Variants in BACE1 observed in about 807,000 individuals in gnomAD.
BACE1 encodes the protein APP beta-secretase.
BACE1 carries 21 observed loss-of-function variants against 54.0 expected under a neutral mutation model. The observed-to-expected ratio is 0.39, with a 90% confidence interval of 0.28 to 0.56. The LOEUF is 0.56. BACE1 is among the 20% of genes least tolerant of loss of function. The pLI is 0.63. For missense variants in BACE1, 511 were observed against 661.2 expected (o/e 0.77, Z 2.49); for synonymous variants, 232 against 260.9 (o/e 0.89, Z 1.07).
rs2035123679 is a variant in BACE1 at position 117,316,253 on chromosome 11, T to C, written c.-458A>G. ...GGGCGGGCTGGGGAGGCGGAAAGACTTGTGGCGGCGGCTGTCAAAGCCAAA... is the reference window on the plus strand; with the variant it reads ...GGGCGGGCTGGGGAGGCGGAAAGACCTGTGGCGGCGGCTGTCAAAGCCAAA... On this transcript the variant is annotated 5_prime_UTR_variant, in exon 1 of 9. Coordinates refer to ENST00000313005, the MANE Select transcript of BACE1 (RefSeq NM_012104.6). The C allele has an allele frequency of 2.2e-6, 1 of 444,752 alleles. No individual in the cohort carries two copies. Among genetic ancestry groups the C allele is most frequent in the Non-Finnish European group, 4.0e-6 (1 of 248,204 alleles). 27.6% of individuals were successfully genotyped at this position (444,752 alleles called of 1,614,324 possible).
intron 1 of BACE1, among the ~76,000 whole-genome samples, chr11:117,298,308 A>G (rs947967637): frequency 1.5e-4 from 22 of 150,320 alleles, no homozygotes; most frequent in Non-Finnish European, 4.4e-5. Context: ...TCAAAAAAAA[A>G]AAGAAAAGAA....
chr11:117,305,862 C>A (rs963018187), intron 1 of BACE1, among the ~76,000 whole-genome samples: 49 of 151,980 alleles, frequency 3.2e-4, no homozygotes, highest in African/African-American at 1.0e-3. Context: ...GGTGAAACCC[C>A]GTCTCCACTA....
intron 3 of BACE1, 84 bp downstream of exon 3, chr11:117,295,047 C>T: frequency 7.4e-7 from 1 of 1,352,684 alleles, no homozygotes; most frequent in Non-Finnish European, 1.1e-6. Context: ...CCTCCTTCTG[C>T]TAATTCCCCT....
At chr11:117,294,156 G>GT (rs2034534302) in intron 3 of BACE1, 148 bp from the exon 4 acceptor site, 2 of 788,946 alleles carry the variant, frequency 2.5e-6, no homozygotes, top group Non-Finnish European at 3.9e-6. Flanking sequence ...GGCAGAGGAA[G>GT]GGTTAGCAGG....
At chr11:117,307,647 C>G (rs764429968) in intron 1 of BACE1, among the ~76,000 whole-genome samples, 1 of 152,164 alleles carries the variant, frequency 6.6e-6, no homozygotes, top group South Asian at 2.1e-4. Context: ...TTCTGCCCAG[C>G]CCTTTATTGG....
chr11:117,290,333 G>A (rs1311410549), intron 8 of BACE1, among the ~76,000 whole-genome samples, 155 bp downstream of exon 8: 1 of 152,136 alleles, frequency 6.6e-6, no homozygotes, highest in Non-Finnish European at 1.5e-5. Flanking sequence ...AAAAGGACGA[G>A]CATTGACACT....
chr11:117,315,702 T>C lies in BACE1; in HGVS notation c.94A>G (p.Ser32Gly). 1 of 1,504,256 alleles carries C rather than the reference T, an allele frequency of 6.6e-7. No homozygotes were observed. Among genetic ancestry groups the C allele is most frequent in the Non-Finnish European group, 8.9e-7 (1 of 1,129,124 alleles). 93.2% of individuals were successfully genotyped at this position (1,504,256 alleles called of 1,614,324 possible). ...CCCAGGGGGGCGCCCCCCAGGCCGC[T>C]GCGCAGGGGCAGCCGGATGCCGTGC... The part of the protein sequence containing the change: ...TQHGIRLPLR[S>G]GLGGAPLGLR... The change falls in exon 1 of 9, where the codon AGC (serine) becomes GGC (glycine). Residue 32 changes from serine (S) to glycine (G), a missense_variant. This residue lies in a region of BACE1 where 104 missense variants were observed against 95.5 expected (regional missense o/e 1.09). Coordinates refer to ENST00000313005, the MANE Select transcript of BACE1 (RefSeq NM_012104.6). The surrounding 1 kb of genome is among the most constrained non-coding windows in gnomAD (Gnocchi z 5.5).
chr11:117,304,021 G>C (rs1222641648), intron 1 of BACE1, among the ~76,000 whole-genome samples: 1 of 152,184 alleles, frequency 6.6e-6, no homozygotes, highest in Non-Finnish European at 1.5e-5. Flanking sequence ...CATTTGGAGA[G>C]GAAGTATGTG....
chr11:117,303,698 C>G (rs968166839), intron 1 of BACE1, among the ~76,000 whole-genome samples: 1 of 152,328 alleles, frequency 6.6e-6, no homozygotes, highest in Non-Finnish European at 1.5e-5. Context: ...ACCCCAAGGT[C>G]ATAGCACTTT....
chr11:117,295,547 T>C (rs1226155989), intron 2 of BACE1, 200 bp from the exon 3 acceptor site: 1 of 1,535,694 alleles, frequency 6.5e-7, no homozygotes, highest in Non-Finnish European at 8.7e-7. Flanking sequence ...AAGGGAACCA[T>C]TGGTGAGGCT....
intron 1 of BACE1, among the ~76,000 whole-genome samples, chr11:117,312,446 C>T (rs1008492401): frequency 6.6e-6 from 1 of 152,138 alleles, no homozygotes; most frequent in Non-Finnish European, 1.5e-5. Flanking sequence ...CTCTGCACTC[C>T]TATAAATACA....
chr11:117,312,799 G>T (rs2034979644), intron 1 of BACE1, among the ~76,000 whole-genome samples: 1 of 152,168 alleles, frequency 6.6e-6, no homozygotes, highest in African/African-American at 2.4e-5. Context: ...AAACTACGGG[G>T]CCCCACTGTC....
intron 7 of BACE1, 65 bp downstream of exon 7, chr11:117,290,835 A>G: frequency 6.3e-7 from 1 of 1,582,610 alleles, no homozygotes; most frequent in Non-Finnish European, 8.6e-7. Flanking sequence ...GGCAAGCCAT[A>G]CCTGCTCACT....
At chr11:117,310,546 G>A (rs780906681) in intron 1 of BACE1, among the ~76,000 whole-genome samples, 12 of 151,934 alleles carry the variant, frequency 7.9e-5, no homozygotes, top group African/African-American at 2.7e-4. Flanking sequence ...TCAGCCTCCC[G>A]AGCAGCTGGG....
At chr11:117,309,000 C>T (rs1425546271) in intron 1 of BACE1, among the ~76,000 whole-genome samples, 2 of 152,016 alleles carry the variant, frequency 1.3e-5, no homozygotes, top group Non-Finnish European at 2.9e-5. Flanking sequence ...AAAAGCTTTC[C>T]CCTGTTGCTT....
intron 1 of BACE1, chr11:117,297,280 T>G (rs2034624064): frequency 7.2e-6 from 2 of 279,562 alleles, no homozygotes; most frequent in African/African-American, 2.3e-5. Flanking sequence ...GTCAAAGAGA[T>G]AGCCAGATGG....
chr11:117,291,832 A>T lies in BACE1; in HGVS notation c.841-19T>A. The T allele has an allele frequency of 6.3e-7, 1 of 1,577,682 alleles. No individual in the cohort carries two copies. Among genetic ancestry groups the T allele is most frequent in the Middle Eastern group, 1.7e-4 (1 of 5,980 alleles). Reference sequence around the variant, plus strand: ...AGTTGTACTAAGAGGGAAAAGAGAGAGTTAAAAGAGTCAAAAGGTTTTTGA... The same window carrying T: ...AGTTGTACTAAGAGGGAAAAGAGAGTGTTAAAAGAGTCAAAAGGTTTTTGA... On this transcript the variant is annotated intron_variant, in intron 5 of 8. Transcript: ENST00000313005.
At chr11:117,300,149 A>C (rs1591862365) in intron 1 of BACE1, among the ~76,000 whole-genome samples, 1 of 149,434 alleles carries the variant, frequency 6.7e-6, no homozygotes, top group South Asian at 2.2e-4. Flanking sequence ...TCCCCCTGCC[A>C]CCCCAAAGGG....
chr11:117,306,847 C>A (rs899819897), intron 1 of BACE1, among the ~76,000 whole-genome samples: 1 of 152,126 alleles, frequency 6.6e-6, no homozygotes, highest in Non-Finnish European at 1.5e-5. Flanking sequence ...TGATGAGATT[C>A]ACTGACCTTG....
Sources: gnomAD v4.1 joint callset for allele counts (sites outside exome capture counted in the v4.1 genomes callset) on GRCh38, gnomAD v4.1.1 for gene constraint, gnomAD v4.1.1 regional missense constraint, Gnocchi (gnomAD v3.1) non-coding constraint, MANE v1.5 for transcripts, NCBI Gene and HGNC (gene_info 2026-07-23, HGNC 2026-07-21) for gene names.